RB1: variants seen among roughly 807,000 people sequenced by gnomAD.
RB1 encodes the protein RB transcriptional corepressor 1.
RB1 carries 18 observed loss-of-function variants against 135.4 expected under a neutral mutation model. That is an observed-to-expected ratio of 0.13 (90% CI 0.09 to 0.20). The LOEUF (loss-of-function observed/expected upper bound fraction) is 0.20, where lower values mean the gene tolerates loss of function less well. Ranked by LOEUF, RB1 falls within the 10% of genes least tolerant of loss-of-function variation. The pLI is 1.00. For synonymous variants in RB1, 365 were observed against 373.2 expected, an observed-to-expected ratio of 0.98 and a Z score of 0.25; for missense variants, 868 against 1,110.0, an observed-to-expected ratio of 0.78 and a Z score of 3.10.
chr13:48,332,000 C>A (rs1017048247), intron 2 of RB1, among the ~76,000 whole-genome samples: 1 of 152,008 alleles, frequency 6.6e-6, no homozygotes, highest in Non-Finnish European at 1.5e-5. Context: ...GCAAATTGAA[C>A]CATTGTAAGT....
chr13:48,337,278 G>C (rs566223326), intron 2 of RB1, among the ~76,000 whole-genome samples: 1 of 152,298 alleles, frequency 6.6e-6, no homozygotes, highest in African/African-American at 2.4e-5. Context: ...TGACAGTGGG[G>C]TGTTAAAGTC....
At chr13:48,473,539 AGATT>A in intron 24 of RB1, 149 bp downstream of exon 24, 1 of 661,836 alleles carries the variant, frequency 1.5e-6, no homozygotes, top group Non-Finnish European at 2.5e-6. Context: ...TATATATCTC[AGATT>A]TACTTTCAAA....
intron 24 of RB1, 65 bp from the exon 25 acceptor site, chr13:48,476,636 T>G: frequency 6.5e-6 from 10 of 1,537,318 alleles, no homozygotes; most frequent in Non-Finnish European, 9.0e-6. Context: ...AACTATAACT[T>G]GAGGTTGCTA....
At chr13:48,377,238 A>G (rs1018562383) in intron 13 of RB1, among the ~76,000 whole-genome samples, 29 of 152,204 alleles carry the variant, frequency 1.9e-4, no homozygotes, top group African/African-American at 6.3e-4. Flanking sequence ...AAAACTATGT[A>G]ATAAAGGAAC....
intron 17 of RB1, among the ~76,000 whole-genome samples, chr13:48,428,791 T>C (rs1004185918): frequency 2.0e-5 from 3 of 152,226 alleles, no homozygotes; most frequent in African/African-American, 7.2e-5. Flanking sequence ...AAGCAGGAAA[T>C]ATCTCTGCTG....
rs146897002 is a variant in RB1, at chr13:48,373,406, A to T, written c.1129A>T (p.Thr377Ser). The T allele has an allele frequency of 1.5e-4, 231 of 1,570,090 alleles. 1 individual carries two copies. The African/African-American group carries it at 2.9e-3, about 20-fold the overall frequency. Residue 377 changes from threonine to serine, a missense_variant and splice_region_variant, in exon 12 of 27, where the codon ACT (threonine) becomes TCT (serine). Around this residue, in one of 3 missense-constraint regions of RB1, gnomAD observed 641 missense variants for 791.3 expected, o/e 0.81. Coordinates refer to ENST00000267163, the MANE Select transcript of RB1 (RefSeq NM_000321.3). ...TTTTCCTATTTTTATCCCCTCTAGGACTGTTATGAACACTATCCAACAATT... is the reference window on the plus strand; with the variant it reads ...TTTTCCTATTTTTATCCCCTCTAGGTCTGTTATGAACACTATCCAACAATT... ...NVIPPHTPVR[T>S]VMNTIQQLMM...
intron 17 of RB1, chr13:48,413,113 T>C (rs558621822): frequency 1.4e-4 from 23 of 167,284 alleles, no homozygotes; most frequent in African/African-American, 5.3e-4. Flanking sequence ...TCGCTTTCTC[T>C]GAAGTGAAAA....
intron 17 of RB1, among the ~76,000 whole-genome samples, chr13:48,449,784 C>T (rs1277990921): frequency 6.6e-6 from 1 of 152,010 alleles, no homozygotes; most frequent in Non-Finnish European, 1.5e-5. Context: ...AGTTTATTGC[C>T]GTTTTAGTGG....
intron 17 of RB1, among the ~76,000 whole-genome samples, chr13:48,444,178 C>A (rs1949265048): frequency 1.3e-5 from 2 of 152,102 alleles, no homozygotes; most frequent in African/African-American, 4.8e-5. Context: ...TTGGGGTTCT[C>A]ACACCACACT....
At position 48,320,078 on chromosome 13, in the gene RB1, C is replaced by T. The variant is rs974014332; in HGVS notation, c.264+12672C>T. 9 of 610,512 alleles carry T rather than the reference C, an allele frequency of 1.5e-5. No individual in the cohort carries two copies. In the African/African-American group the frequency reaches 1.5e-4, roughly 10 times the overall value. 37.8% of individuals were successfully genotyped at this position (610,512 alleles called of 1,614,324 possible). A position where few individuals can be genotyped will look rare whatever the true frequency, so the allele number is the denominator to read the frequency against. On this transcript the variant is annotated intron_variant, in intron 2 of 26. Transcript: ENST00000267163. ...TCCACTCTTTGCCTTTAGGTACTCC[C>T]GGATGGCTTCCGCAATGTCCCGGTC... is the stretch of plus-strand genomic sequence containing the variant.
chr13:48,456,101 T>C (rs1249437088), intron 18 of RB1, 103 bp from the exon 19 acceptor site: 2 of 1,548,274 alleles, frequency 1.3e-6, no homozygotes, highest in African/African-American at 2.8e-5. Context: ...ATAATACCAA[T>C]TAAATAGACA....
Position 48,461,030 on chromosome 13 carries a change from A to T in RB1, c.2106+1197A>T, listed in dbSNP as rs569701315. 8.5e-5 allele frequency among the ~76,000 whole-genome samples: 13 copies of T among 152,264 alleles called. No individual in the cohort carries two copies. In the East Asian group the frequency reaches 2.5e-3, roughly 29 times the overall value. ...ATAGCTTTACTGAAATAATTCACACACCATAAAAACCACCCATTTAAAATG... is the reference window on the plus strand; with the variant it reads ...ATAGCTTTACTGAAATAATTCACACTCCATAAAAACCACCCATTTAAAATG... On this transcript the variant is annotated intron_variant, in intron 20 of 26. Transcript: ENST00000267163.
chr13:48,360,001 T>C lies in RB1; in HGVS notation c.608-16T>C. ...GAATCTCTAACTTTCTTTAAAAATG[T>C]ACATTTTTTTTTCAGGGGAAGTATT... On this transcript the variant is annotated splice_polypyrimidine_tract_variant and intron_variant, in intron 6 of 26. Transcript: ENST00000267163. The C allele has an allele frequency of 1.9e-6, 3 of 1,610,910 alleles. No homozygotes were observed. The East Asian group carries it at 6.7e-5, about 36-fold the overall frequency.
At chr13:48,445,136 A>G (rs1227203199) in intron 17 of RB1, 1 of 152,182 alleles carries the variant, frequency 6.6e-6, no homozygotes, top group Non-Finnish European at 1.5e-5. Flanking sequence ...AAATTGATAG[A>G]AAATTTTGTC....
rs1948514334 is a variant in RB1, at chr13:48,379,634, A to C, written c.1373A>C (p.Glu458Ala). 1 of 1,612,364 alleles carries C rather than the reference A, an allele frequency of 6.2e-7. No homozygotes were observed. The highest frequency in any genetic ancestry group is 8.5e-7 in the Non-Finnish European group (1 of 1,179,604). Reference protein sequence around the residue: ...LGVRLYYRVMESMLKSEEERL... With the variant: ...LGVRLYYRVMASMLKSEEERL... Reference sequence around the variant, plus strand: ...GTTCGCTTGTATTACCGAGTAATGGAATCCATGCTTAAATCAGTAAGTTAA... The same window carrying C: ...GTTCGCTTGTATTACCGAGTAATGGCATCCATGCTTAAATCAGTAAGTTAA... Residue 458 changes from glutamate (E) to alanine (A), a missense_variant, in exon 14 of 27, where the codon GAA becomes GCA. This residue lies in a region of RB1 where 641 missense variants were observed against 791.3 expected (regional missense o/e 0.81). Transcript: ENST00000267163.
In RB1 at chr13:48,354,173, T is replaced by C. The variant is rs1952571692; in HGVS notation, c.607+5150T>C. On this transcript the variant is annotated intron_variant, in intron 6 of 26. Transcript: ENST00000267163. ...CTTGTTTGCAGCTGATACAATCTTA[T>C]ATTTGGAAGAACCTAAAGACTCCAC... Among the ~76,000 whole-genome samples the C allele has an allele frequency of 2.0e-5, 3 of 152,264 alleles. No individual in the cohort carries two copies. In the South Asian group the frequency reaches 6.2e-4, roughly 31 times the overall value.
intron 17 of RB1, chr13:48,406,408 A>G (rs1198858990): frequency 6.6e-6 from 1 of 152,226 alleles, no homozygotes; most frequent in African/African-American, 2.4e-5. Flanking sequence ...AATAAAGGAA[A>G]AAGGACAAAT....
intron 17 of RB1, chr13:48,412,281 A>G (rs1488384615): frequency 6.2e-6 from 10 of 1,613,868 alleles, no homozygotes; most frequent in Non-Finnish European, 8.5e-6. Flanking sequence ...TTCATTTCGG[A>G]CTTTGAGGAC....
intron 2 of RB1, among the ~76,000 whole-genome samples, chr13:48,323,264 A>G (rs1952257205): frequency 6.6e-6 from 1 of 152,086 alleles, no homozygotes; most frequent in Non-Finnish European, 1.5e-5. Context: ...ATATTTTTCT[A>G]GGAATTTGTC....
Sources: allele counts gnomAD v4.1 joint callset (sites outside exome capture counted in the v4.1 genomes callset), GRCh38; gene constraint gnomAD v4.1.1; regional missense constraint gnomAD v4.1.1; transcripts MANE v1.5; gene names NCBI Gene and HGNC (gene_info 2026-07-23, HGNC 2026-07-21).